The following CEP104 variants were observed in gnomAD, a reference collection of about 807,000 sequenced individuals.
CEP104 encodes the protein centrosomal protein 104.
A neutral mutation model predicts 113.3 loss-of-function variants in CEP104; 84 were observed. The observed-to-expected ratio is 0.74, with a 90% CI of 0.62 to 0.89. CEP104 has a LOEUF of 0.89. CEP104 is among the 40% of genes least tolerant of loss of function. The pLI, the probability that CEP104 is intolerant of heterozygous loss-of-function variation, is 0.00. For missense variants in CEP104, 1,053 were observed against 1,156.6 expected (o/e 0.91, Z 1.30); for synonymous variants, 378 against 421.7 (o/e 0.90, Z 1.27).
chr1:3,855,856 T>C (rs1345437658), intron 1 of CEP104: 32 of 970,070 alleles, frequency 3.3e-5, no homozygotes, highest in Non-Finnish European at 3.8e-5. Context: ...CATCCAGTTA[T>C]TGGCTGGTCT....
intron 16 of CEP104, 61 bp downstream of exon 16, chr1:3,826,647 A>G: frequency 1.9e-6 from 3 of 1,586,752 alleles, no homozygotes; most frequent in Non-Finnish European, 2.6e-6. Context: ...CATGACATGC[A>G]TTTACACACC....
chr1:3,815,644 C>T (rs1469073844), intron 21 of CEP104, 127 bp from the exon 22 acceptor site: 11 of 634,408 alleles, frequency 1.7e-5, no homozygotes, highest in Admixed American at 3.1e-5. Context: ...CACCCGACTA[C>T]AGGAGCCAGG....
chr1:3,840,513 T>C (rs984374508), intron 6 of CEP104, among the ~76,000 whole-genome samples: 4 of 152,148 alleles, frequency 2.6e-5, no homozygotes, highest in African/African-American at 9.7e-5. Flanking sequence ...GTTGGGATTA[T>C]AGGCCTGAGC....
In CEP104 at chr1:3,851,174, G is replaced by C. The variant is rs139240553; in HGVS notation, c.113+1121C>G. ...GGACGCTGGCTCGCCTGCAATCCCA[G>C]CTCTGCGGGTGACAAAGGCGCTGTC... On this transcript the variant is annotated intron_variant, in intron 2 of 21. Transcript: ENST00000378230. 5.3e-5 allele frequency among the ~76,000 whole-genome samples: 8 copies of C among 152,202 alleles called. No individual in the cohort carries two copies. In the East Asian group the frequency reaches 1.6e-3, roughly 30 times the overall value.
At chr1:3,821,175 A>C (rs9424288) in intron 20 of CEP104, among the ~76,000 whole-genome samples, 101,020 of 152,146 alleles carry the variant, frequency 0.66, 34,878 homozygotes, top group African/African-American at 0.87. Context: ...AGGTCCGGGG[A>C]AGGAAGGCAC....
In CEP104 at chr1:3,839,013, G is replaced by A; in HGVS notation, c.842C>T (p.Ala281Val). 2 of 1,614,056 alleles carry A rather than the reference G, an allele frequency of 1.2e-6. No homozygotes were observed. The highest frequency in any genetic ancestry group is 1.7e-6 in the Non-Finnish European group (2 of 1,180,016). Residue 281 changes from alanine (A) to valine (V), a missense_variant, in exon 8 of 22, where the codon GCC (alanine) becomes GTC (valine). Physicochemically the swap from Ala to Val is moderately conservative, Grantham distance 64. Coordinates refer to ENST00000378230, the MANE Select transcript of CEP104 (RefSeq NM_014704.4). ...EKKQQMEQYR[A>V]EVYEQLELHS... The stretch of plus-strand genomic sequence containing the variant: ...CAGCTCCAGCTGCTCGTACACCTCG[G>A]CACGATACTGCTCCATCTGCTGCTT...
In CEP104 at chr1:3,823,213, C is replaced by G; in HGVS notation, c.2532G>C (p.Arg844=). The stretch of plus-strand genomic sequence containing the variant: ...TGAAGTTCTCATGACACAGGGGACA[C>G]CGGTTTGCCAGCTTCTCCGGTTTGG... ...NPAKPEKLAN[R]CPLCHENFSP... The change falls in exon 20 of 22, where the codon CGG becomes CGC. Residue 844 remains arginine, a synonymous_variant. Coordinates refer to ENST00000378230, the MANE Select transcript of CEP104 (RefSeq NM_014704.4). This position sits in a 1 kb window ranked among gnomAD's most constrained non-coding sequence, Gnocchi z 4.1. 2 of 1,614,212 alleles carry G rather than the reference C, an allele frequency of 1.2e-6. No homozygotes were observed. Among genetic ancestry groups the G allele is most frequent in the Non-Finnish European group, 1.7e-6 (2 of 1,180,032 alleles).
At chr1:3,838,839 T>A in intron 8 of CEP104, 125 bp downstream of exon 8, 1 of 1,009,016 alleles carries the variant, frequency 9.9e-7, no homozygotes, top group Non-Finnish European at 1.5e-6. Context: ...TCCATAACTG[T>A]CCCCTGAGCA....
rs147607335 is a variant in CEP104, at chr1:3,817,555, C to T, written c.2572-1185G>A. Among the ~76,000 whole-genome samples, 18 of 152,270 alleles carry T rather than the reference C, an allele frequency of 1.2e-4. No homozygotes were observed. In the East Asian group the frequency reaches 2.3e-3, roughly 20 times the overall value. ...ACTCCTGTCCCGCTTTAGCTGCTCC[C>T]GGCAGGCCTGGGTTCTGGTCTCTCC... On this transcript the variant is annotated intron_variant, in intron 20 of 21. Transcript: ENST00000378230.
chr1:3,848,425 G>A (rs940669931), intron 3 of CEP104, among the ~76,000 whole-genome samples, 183 bp downstream of exon 3: 6 of 151,502 alleles, frequency 4.0e-5, no homozygotes, highest in African/African-American at 1.5e-4. Flanking sequence ...CCAGCTACTC[G>A]GGAGGCTGAG....
In CEP104 at chr1:3,823,051, C is replaced by T; in HGVS notation, c.2571+123G>A. On this transcript the variant is annotated intron_variant, in intron 20 of 21. Coordinates refer to ENST00000378230, the MANE Select transcript of CEP104 (RefSeq NM_014704.4). This position sits in a 1 kb window ranked among gnomAD's most constrained non-coding sequence, Gnocchi z 4.1. Reference sequence around the variant, plus strand: ...AGGGCTCACTAGACGCTGTCCCCTCCCTGAACACTCATGTACTGTACTCTG... The same window carrying T: ...AGGGCTCACTAGACGCTGTCCCCTCTCTGAACACTCATGTACTGTACTCTG... The T allele has an allele frequency of 2.3e-6, 2 of 857,796 alleles. No individual in the cohort carries two copies. The highest frequency in any genetic ancestry group is 3.8e-6 in the Non-Finnish European group (2 of 525,796). The allele number at this position is 857,796 out of a possible 1,614,324, so 53.1% of individuals were successfully genotyped here.
chr1:3,812,163 T>C lies in CEP104; in HGVS notation c.*3239A>G, dbSNP rs2124623023. The C allele has an allele frequency of 6.6e-6, 1 of 152,308 alleles. No homozygotes were observed. Among genetic ancestry groups the C allele is most frequent in the Middle Eastern group, 3.4e-3 (1 of 292 alleles). The allele number at this position is 152,308 out of a possible 1,614,324, so 9.4% of individuals were successfully genotyped here. The stretch of plus-strand genomic sequence containing the variant: ...CCCTAAAACGACAACAAAAATATAT[T>C]ACTTAGATATTTTGTAATTCTGGTA... On this transcript the variant is annotated 3_prime_UTR_variant, in exon 22 of 22. Coordinates refer to ENST00000378230, the MANE Select transcript of CEP104 (RefSeq NM_014704.4).
At chr1:3,820,509 TGGA>T (rs1307756335) in intron 20 of CEP104, among the ~76,000 whole-genome samples, 1 of 151,848 alleles carries the variant, frequency 6.6e-6, no homozygotes, top group Non-Finnish European at 1.5e-5. Flanking sequence ...CTGTCTGGGG[TGGA>T]GGAAGGCAGA....
chr1:3,814,445 A>G lies in CEP104; in HGVS notation c.*957T>C, dbSNP rs1050957901. 2 of 152,268 alleles carry G rather than the reference A, an allele frequency of 1.3e-5. No homozygotes were observed. Among genetic ancestry groups the G allele is most frequent in the African/African-American group, 4.8e-5 (2 of 41,462 alleles). The allele number at this position is 152,268 out of a possible 1,614,324, so 9.4% of individuals were successfully genotyped here. A position where few individuals can be genotyped will look rare whatever the true frequency, so the allele number is the denominator to read the frequency against. Reference sequence around the variant, plus strand: ...AATGTGTTGATGTTTTAAACATCCTATCAACTCTTTGAAGAAAGTAAACTT... The same window carrying G: ...AATGTGTTGATGTTTTAAACATCCTGTCAACTCTTTGAAGAAAGTAAACTT... On this transcript the variant is annotated 3_prime_UTR_variant, in exon 22 of 22. Coordinates refer to ENST00000378230, the MANE Select transcript of CEP104 (RefSeq NM_014704.4).
intron 14 of CEP104, 135 bp from the exon 15 acceptor site, chr1:3,829,508 G>C (rs777854593): frequency 1.4e-6 from 1 of 700,354 alleles, no homozygotes; most frequent in African/African-American, 1.8e-5. Context: ...GTTAGAATAA[G>C]TCTTTTCCAT....
chr1:3,840,885 C>A (rs772114898), intron 6 of CEP104, among the ~76,000 whole-genome samples: 10 of 152,166 alleles, frequency 6.6e-5, no homozygotes, highest in Admixed American at 1.3e-4. Context: ...AGAATTGCTA[C>A]CACTGAGGTT....
intron 12 of CEP104, among the ~76,000 whole-genome samples, chr1:3,832,418 C>A (rs61768911): frequency 7.1e-4 from 11 of 15,476 alleles, no homozygotes; most frequent in African/African-American, 3.1e-3. Context: ...AGCGTAGGTC[C>A]TGACCAGGAG....
At chr1:3,833,395 T>C (rs922142714) in intron 12 of CEP104, among the ~76,000 whole-genome samples, 4 of 152,212 alleles carry the variant, frequency 2.6e-5, no homozygotes, top group Admixed American at 6.5e-5. Context: ...CTAGACTAGA[T>C]GAATTCATTA....
intron 20 of CEP104, among the ~76,000 whole-genome samples, chr1:3,817,798 C>T (rs1439282390): frequency 6.6e-6 from 1 of 152,218 alleles, no homozygotes; most frequent in Non-Finnish European, 1.5e-5. Context: ...GGGACAGTGG[C>T]AGACACGTGG....
Sources: allele counts gnomAD v4.1 joint callset (sites outside exome capture counted in the v4.1 genomes callset), GRCh38; gene constraint gnomAD v4.1.1; non-coding constraint Gnocchi (gnomAD v3.1); transcripts MANE v1.5; gene names NCBI Gene and HGNC (gene_info 2026-07-23, HGNC 2026-07-21).